PRKG1: variants seen among roughly 807,000 people sequenced by gnomAD.
PRKG1 encodes the protein protein kinase cGMP-dependent 1.
Under a neutral mutation model 88.1 loss-of-function variants are expected in PRKG1, and 35 were observed. That is an observed-to-expected ratio of 0.40 (90% CI 0.30 to 0.53). The LOEUF (loss-of-function observed/expected upper bound fraction) is 0.53, where lower values mean the gene tolerates loss of function less well. PRKG1 is among the 20% of genes least tolerant of loss of function. The pLI, the probability that PRKG1 is intolerant of heterozygous loss-of-function variation, is 0.59. For missense variants in PRKG1, 540 were observed against 839.8 expected, an observed-to-expected ratio of 0.64 and a Z score of 4.41; for synonymous variants, 303 against 292.5, an observed-to-expected ratio of 1.04 and a Z score of -0.37.
intron 1 of PRKG1, among the ~76,000 whole-genome samples, chr10:51,055,022 T>A (rs372271865): frequency 6.6e-6 from 1 of 152,196 alleles, no homozygotes; most frequent in African/African-American, 2.4e-5. Context: ...TTATTCATGA[T>A]CCCCTTCCTT....
chr10:52,179,472 G>C (rs551022643), intron 9 of PRKG1, among the ~76,000 whole-genome samples: 12 of 151,990 alleles, frequency 7.9e-5, no homozygotes, highest in South Asian at 2.1e-4. Context: ...TCTAATGGGG[G>C]TTCCCTTATG....
At chr10:51,553,842 G>A (rs1033941829) in intron 3 of PRKG1, among the ~76,000 whole-genome samples, 2 of 96,112 alleles carry the variant, frequency 2.1e-5, no homozygotes, top group South Asian at 4.2e-4. Flanking sequence ...ATATATGTAT[G>A]TATTAGATAC....
At chr10:51,826,085 A>G (rs1839875319) in intron 4 of PRKG1, among the ~76,000 whole-genome samples, 1 of 152,146 alleles carries the variant, frequency 6.6e-6, no homozygotes, top group African/African-American at 2.4e-5. Context: ...TGAATTCTCT[A>G]TCTTATCATC....
At chr10:51,333,238 G>A (rs1841786382) in intron 2 of PRKG1, among the ~76,000 whole-genome samples, 2 of 152,194 alleles carry the variant, frequency 1.3e-5, no homozygotes, top group South Asian at 4.1e-4. Flanking sequence ...TCTACTCAAT[G>A]TGTGACACTG....
At chr10:51,449,708 C>T (rs1839378308) in intron 2 of PRKG1, among the ~76,000 whole-genome samples, 1 of 142,680 alleles carries the variant, frequency 7.0e-6, no homozygotes, top group Admixed American at 7.0e-5. Context: ...ATGAAAAAGC[C>T]ATCTCTTAGA....
intron 3 of PRKG1, among the ~76,000 whole-genome samples, chr10:51,706,131 C>T (rs1841598128): frequency 6.6e-6 from 1 of 152,150 alleles, no homozygotes; most frequent in Non-Finnish European, 1.5e-5. Flanking sequence ...TAAACTTCAC[C>T]TAAAGACTTT....
intron 1 of PRKG1, among the ~76,000 whole-genome samples, chr10:51,030,510 CA>C (rs764944242): frequency 6.6e-6 from 1 of 151,978 alleles, no homozygotes; most frequent in Non-Finnish European, 1.5e-5. Context: ...TCTCTGTAAC[CA>C]AAGAAAGAAA....
chr10:52,086,975 T>C (rs2133315141), intron 7 of PRKG1, among the ~76,000 whole-genome samples: 1 of 152,268 alleles, frequency 6.6e-6, no homozygotes, highest in South Asian at 2.1e-4. Context: ...CCATCAGATC[T>C]TGTGAGAACT....
intron 2 of PRKG1, among the ~76,000 whole-genome samples, chr10:51,339,558 A>G (rs1181173597): frequency 6.6e-6 from 1 of 151,950 alleles, no homozygotes; most frequent in African/African-American, 2.4e-5. Context: ...AAAGTAAATA[A>G]AAATTTCATA....
At chr10:51,268,727 A>G (rs148347966) in intron 2 of PRKG1, among the ~76,000 whole-genome samples, 3,110 of 152,242 alleles carry the variant, frequency 0.02, 94 homozygotes, top group African/African-American at 0.07. Context: ...GGCGACATAC[A>G]TCCTCCTCAG....
intron 2 of PRKG1, among the ~76,000 whole-genome samples, chr10:51,223,286 G>A (rs1838601129): frequency 6.6e-6 from 1 of 152,076 alleles, no homozygotes; most frequent in African/African-American, 2.4e-5. Flanking sequence ...TTATAAAAAA[G>A]TTCAAAATTA....
At chr10:51,448,101 T>C (rs528505037) in intron 2 of PRKG1, among the ~76,000 whole-genome samples, 1 of 151,842 alleles carries the variant, frequency 6.6e-6, no homozygotes, top group Admixed American at 6.6e-5. Context: ...ATACAAAAAT[T>C]ACCACACATG....
chr10:51,452,023 T>C (rs1366906667), intron 2 of PRKG1, among the ~76,000 whole-genome samples: 1 of 152,066 alleles, frequency 6.6e-6, no homozygotes, highest in East Asian at 1.9e-4. Flanking sequence ...ACTATGTACC[T>C]GTGCTAATCT....
chr10:51,262,137 C>T (rs927148351), intron 2 of PRKG1, among the ~76,000 whole-genome samples: 4 of 152,034 alleles, frequency 2.6e-5, no homozygotes, highest in Non-Finnish European at 1.5e-5. Context: ...CCGCCCGCCT[C>T]GGCCTCCCAA....
At chr10:52,075,058 T>A (rs1399567454) in intron 7 of PRKG1, among the ~76,000 whole-genome samples, 1 of 152,212 alleles carries the variant, frequency 6.6e-6, no homozygotes, top group Non-Finnish European at 1.5e-5. Context: ...TTTAAAGGAC[T>A]TTAAGTCCAC....
intron 3 of PRKG1, among the ~76,000 whole-genome samples, chr10:51,621,617 G>C (rs1274598258): frequency 6.6e-6 from 1 of 152,032 alleles, no homozygotes; most frequent in Non-Finnish European, 1.5e-5. Flanking sequence ...TTTTAGATGA[G>C]GAAAAACCAA....
In PRKG1 at chr10:51,670,508, G is replaced by A. The variant is rs939250554; in HGVS notation, c.593-134077G>A. Among the ~76,000 whole-genome samples the A allele has an allele frequency of 4.8e-4, 72 of 150,500 alleles. 1 individual carries two copies. Among genetic ancestry groups the A allele is most frequent in the African/African-American group, 1.4e-3 (58 of 41,264 alleles). ...TCCCAGCACTTTGGGAGGCCGAGGC[G>A]GGCAGATCACGAGGTCAGGAGATCG... On this transcript the variant is annotated intron_variant, in intron 3 of 17. Transcript: ENST00000373980.
intron 5 of PRKG1, among the ~76,000 whole-genome samples, chr10:52,032,517 A>G (rs2133211937): frequency 6.6e-6 from 1 of 152,324 alleles, no homozygotes; most frequent in East Asian, 1.9e-4. Flanking sequence ...TAAATGTTAA[A>G]TTAATAGCAG....
intron 2 of PRKG1, among the ~76,000 whole-genome samples, chr10:51,256,879 A>T (rs189950321): frequency 6.6e-6 from 1 of 152,170 alleles, no homozygotes; most frequent in Non-Finnish European, 1.5e-5. Flanking sequence ...GGATTTTGAC[A>T]TAAAAAAATC....
Sources: gnomAD v4.1 joint callset for allele counts (sites outside exome capture counted in the v4.1 genomes callset) on GRCh38, gnomAD v4.1.1 for gene constraint, MANE v1.5 for transcripts, NCBI Gene and HGNC (gene_info 2026-07-23, HGNC 2026-07-21) for gene names.